The following CGGBP1 variants were observed in gnomAD, a reference collection of about 807,000 sequenced individuals.
CGGBP1 encodes CGG triplet repeat-binding protein 1.
A neutral mutation model predicts 11.4 loss-of-function variants in CGGBP1; 4 were observed. The ratio of observed to expected loss-of-function variants is 0.35; its 90% CI spans 0.17 to 0.80. The LOEUF (loss-of-function observed/expected upper bound fraction) is 0.80, where lower values mean the gene tolerates loss of function less well. CGGBP1 is among the 30% of genes least tolerant of loss of function. The probability of loss-of-function intolerance (pLI) is 0.52; values close to 1 mark genes in which losing one functional copy is unlikely to be tolerated. For synonymous variants in CGGBP1, 76 were observed against 74.1 expected (o/e 1.03, Z -0.13); for missense variants, 135 against 202.1 (o/e 0.67, Z 2.01).
chr3:88,125,027 A>G (rs1706007831), intron 2 of CGGBP1, among the ~76,000 whole-genome samples: 1 of 152,104 alleles, frequency 6.6e-6, no homozygotes, highest in Admixed American at 6.6e-5. Flanking sequence ...TATCCTGGCT[A>G]ACACGGTGAA....
In CGGBP1 at chr3:88,085,912, T is replaced by C. The variant is rs1275332844; in HGVS notation, c.-228-27689A>G. On this transcript the variant is annotated intron_variant, in intron 2 of 3. Coordinates refer to the CGGBP1 transcript ENST00000462901. ...CATGATCGTTTCTAATTTTCTTTAT[T>C]ACTATATTCTACTCTCCAGCTATTT... Among the ~76,000 whole-genome samples the C allele has an allele frequency of 2.0e-5, 3 of 152,222 alleles. No individual in the cohort carries two copies. The East Asian group carries it at 5.8e-4, about 29-fold the overall frequency.
chr3:88,098,910 C>T (rs1427527339), intron 2 of CGGBP1, among the ~76,000 whole-genome samples: 1 of 152,158 alleles, frequency 6.6e-6, no homozygotes, highest in African/African-American at 2.4e-5. Flanking sequence ...GAAGTATTCC[C>T]TTTGAAAGCT....
intron 2 of CGGBP1, among the ~76,000 whole-genome samples, chr3:88,108,034 T>C (rs4858931): frequency 0.71 from 107,222 of 151,766 alleles, 41,601 homozygotes; most frequent in South Asian, 0.91. Flanking sequence ...ATAAATTTAT[T>C]TGTGGTAATT....
intron 2 of CGGBP1, among the ~76,000 whole-genome samples, chr3:88,130,571 C>T (rs1201874538): frequency 2.0e-5 from 3 of 151,818 alleles, no homozygotes; most frequent in Non-Finnish European, 4.4e-5. Flanking sequence ...CCGCCTCAGC[C>T]TCCTCAGTAG....
At chr3:88,143,883 T>G (rs1707240849) in intron 1 of CGGBP1, 1 of 151,974 alleles carries the variant, frequency 6.6e-6, no homozygotes, top group Non-Finnish European at 1.5e-5. Flanking sequence ...TTATTACATC[T>G]GTCTTTTAAA....
At chr3:88,125,996 G>T in intron 2 of CGGBP1, 1 of 902,590 alleles carries the variant, frequency 1.1e-6, no homozygotes, top group South Asian at 2.6e-5. Context: ...ACCCTACTTA[G>T]GTTACAATAG....
chr3:88,063,233 T>C (rs1706988921), upstream of CGGBP1, among the ~76,000 whole-genome samples: 3 of 152,192 alleles, frequency 2.0e-5, no homozygotes, highest in Admixed American at 2.0e-4. Context: ...TGGTCCGGAA[T>C]ATCAGTAATG....
At chr3:88,144,057 G>C (rs1707247706) in intron 1 of CGGBP1, 1 of 152,084 alleles carries the variant, frequency 6.6e-6, no homozygotes, top group African/African-American at 2.4e-5. Flanking sequence ...TCAAATCTTT[G>C]TTTTTAAATA....
At chr3:88,083,828 G>A (rs1380902901) in intron 2 of CGGBP1, among the ~76,000 whole-genome samples, 1 of 152,008 alleles carries the variant, frequency 6.6e-6, no homozygotes, top group East Asian at 1.9e-4. Context: ...GAAAGATGTG[G>A]TGCTTACTGC....
At chr3:88,134,289 G>C (rs555274554) in intron 2 of CGGBP1, among the ~76,000 whole-genome samples, 1 of 152,108 alleles carries the variant, frequency 6.6e-6, no homozygotes, top group African/African-American at 2.4e-5. Flanking sequence ...TGTATGTGCT[G>C]AGTTCAAAGT....
At chr3:88,095,574 A>G in intron 2 of CGGBP1, 8 of 520,678 alleles carry the variant, frequency 1.5e-5, no homozygotes, top group Non-Finnish European at 3.1e-5. Context: ...TTAAAAACAT[A>G]AATTGCCACA....
At chr3:88,115,217 C>T (rs1320118043) in intron 2 of CGGBP1, among the ~76,000 whole-genome samples, 1 of 152,152 alleles carries the variant, frequency 6.6e-6, no homozygotes, top group Non-Finnish European at 1.5e-5. Flanking sequence ...ATTAATGCTG[C>T]TAGTCCCTGA....
chr3:88,135,033 G>T, intron 2 of CGGBP1: 5 of 1,345,160 alleles, frequency 3.7e-6, no homozygotes, highest in South Asian at 1.8e-5. Flanking sequence ...CTGTATTTTT[G>T]ATAATTCTCT....
chr3:88,053,834 G>A lies in CGGBP1; in HGVS notation c.*1639C>T, dbSNP rs1328464648. 1 of 152,540 alleles carries A rather than the reference G, an allele frequency of 6.6e-6. No homozygotes were observed. The highest frequency in any genetic ancestry group is 1.9e-4 in the East Asian group (1 of 5,196). 9.4% of individuals were successfully genotyped at this position (152,540 alleles called of 1,614,324 possible). ...CCTCATACATGTGCTTCATCAACGA[G>A]AGCACTACTCTAGGCATGCATTTAT... On this transcript the variant is annotated 3_prime_UTR_variant, in exon 4 of 4. Transcript: ENST00000482016.
At chr3:88,088,317 C>T (rs1708441915) in intron 2 of CGGBP1, among the ~76,000 whole-genome samples, 1 of 151,732 alleles carries the variant, frequency 6.6e-6, no homozygotes, top group African/African-American at 2.4e-5. Flanking sequence ...TTAAAAATGC[C>T]TTCAATATGA....
At chr3:88,108,772 A>G (rs1704901456) in intron 2 of CGGBP1, among the ~76,000 whole-genome samples, 1 of 152,110 alleles carries the variant, frequency 6.6e-6, no homozygotes, top group South Asian at 2.1e-4. Flanking sequence ...TAATTCATAT[A>G]TGCCAAAGAA....
chr3:88,148,167 A>C (rs1707343045), intron 1 of CGGBP1, among the ~76,000 whole-genome samples: 1 of 152,110 alleles, frequency 6.6e-6, no homozygotes. Context: ...AAGTACTAAC[A>C]TCCTCTCCCA....
rs534920761 is a variant in CGGBP1, at chr3:88,097,133, A to G, written c.-228-38910T>C. Among the ~76,000 whole-genome samples, 12 of 152,258 alleles carry G rather than the reference A, an allele frequency of 7.9e-5. No individual in the cohort carries two copies. In the East Asian group the frequency reaches 1.9e-3, roughly 25 times the overall value. On this transcript the variant is annotated intron_variant, in intron 2 of 3. Transcript: ENST00000462901. The stretch of plus-strand genomic sequence containing the variant: ...ATCAACAACCCTTTAATGAATTACC[A>G]TGTATGACCGGAATATGTACAAGGG...
chr3:88,092,248 T>TA (rs1440997519), intron 2 of CGGBP1, among the ~76,000 whole-genome samples: 1 of 152,180 alleles, frequency 6.6e-6, no homozygotes, highest in African/African-American at 2.4e-5. Flanking sequence ...TTCTAACAAT[T>TA]ACTGCATAAT....
Sources: allele counts gnomAD v4.1 joint callset (sites outside exome capture counted in the v4.1 genomes callset), GRCh38; gene constraint gnomAD v4.1.1; transcripts MANE v1.5; gene names NCBI Gene and HGNC (gene_info 2026-07-23, HGNC 2026-07-21).